SPIRE1: variants seen among roughly 807,000 people sequenced by gnomAD.
SPIRE1 encodes the protein spire type actin nucleation factor 1.
A neutral mutation model predicts 94.1 loss-of-function variants in SPIRE1; 40 were observed. That is an observed-to-expected ratio of 0.43 (90% confidence interval 0.33 to 0.55). The LOEUF (loss-of-function observed/expected upper bound fraction) is 0.55, where lower values mean the gene tolerates loss of function less well. SPIRE1 is among the 20% of genes least tolerant of loss of function. SPIRE1 has a pLI of 0.06. For missense variants in SPIRE1, 838 were observed against 975.2 expected (o/e 0.86, Z 1.87); for synonymous variants, 376 against 371.7 (o/e 1.01, Z -0.13).
chr18:12,459,870 AT>A (rs1282862801), intron 12 of SPIRE1: 3 of 985,820 alleles, frequency 3.0e-6, no homozygotes, highest in Non-Finnish European at 3.6e-6. Context: ...AGCTGTTTGT[AT>A]GGTAGAAAAA....
chr18:12,519,827 T>C (rs1398288033), intron 4 of SPIRE1, among the ~76,000 whole-genome samples: 4 of 152,182 alleles, frequency 2.6e-5, no homozygotes, highest in African/African-American at 7.2e-5. Context: ...GCCTCACACA[T>C]TGCTAAGGAC....
intron 1 of SPIRE1, among the ~76,000 whole-genome samples, chr18:12,641,203 A>G (rs142140220): frequency 6.6e-5 from 10 of 152,304 alleles, no homozygotes; most frequent in African/African-American, 2.4e-4. Flanking sequence ...AACAACAACC[A>G]TTAGTTTAAG....
At chr18:12,604,093 A>C (rs892603496) in intron 2 of SPIRE1, among the ~76,000 whole-genome samples, 1 of 152,152 alleles carries the variant, frequency 6.6e-6, no homozygotes, top group Non-Finnish European at 1.5e-5. Flanking sequence ...AGTATTCTTT[A>C]TAATAAACCA....
intron 2 of SPIRE1, among the ~76,000 whole-genome samples, chr18:12,577,525 A>C (rs2036140432): frequency 6.6e-6 from 1 of 152,204 alleles, no homozygotes; most frequent in Non-Finnish European, 1.5e-5. Flanking sequence ...AAAAAAGGAG[A>C]AAATCTGCAT....
chr18:12,635,841 T>C (rs1237515152), intron 1 of SPIRE1, among the ~76,000 whole-genome samples: 2 of 152,114 alleles, frequency 1.3e-5, no homozygotes, highest in Admixed American at 1.3e-4. Flanking sequence ...AATAACACAA[T>C]TATACAATTA....
chr18:12,491,589 T>C (rs1249978739), intron 8 of SPIRE1, among the ~76,000 whole-genome samples: 1 of 152,090 alleles, frequency 6.6e-6, no homozygotes, highest in Admixed American at 6.6e-5. Flanking sequence ...CTTGATCTCC[T>C]GGGCTCAAGT....
intron 2 of SPIRE1, among the ~76,000 whole-genome samples, chr18:12,607,596 TACACAC>T (rs34187168): frequency 0.14 from 20,838 of 145,970 alleles, 1,609 homozygotes; most frequent in African/African-American, 0.17. Context: ...TCCACAGCAC[TACACAC>T]ACACACACAC....
chr18:12,555,066 C>T (rs959431277), intron 2 of SPIRE1, among the ~76,000 whole-genome samples: 70 of 152,150 alleles, frequency 4.6e-4, no homozygotes, highest in African/African-American at 1.4e-3. Context: ...CCCTCCCTAA[C>T]GCTTGTTTTC....
chr18:12,579,712 T>C (rs1457460255), intron 2 of SPIRE1, among the ~76,000 whole-genome samples: 1 of 152,210 alleles, frequency 6.6e-6, no homozygotes, highest in Non-Finnish European at 1.5e-5. Flanking sequence ...AAAGGTATGA[T>C]TCCCCTTACT....
At position 12,486,020 on chromosome 18, in the gene SPIRE1, C is replaced by A; in HGVS notation, c.1190-20G>T. On this transcript the variant is annotated intron_variant, in intron 8 of 16. Transcript: ENST00000409402. The stretch of plus-strand genomic sequence containing the variant: ...GCATTGCTGAAAAAAAGAAAACAAA[C>A]AATAAAAAGAAAATAATTCAGCTGT... The A allele has an allele frequency of 1.3e-6, 2 of 1,510,540 alleles. No individual in the cohort carries two copies. Among genetic ancestry groups the A allele is most frequent in the Non-Finnish European group, 1.8e-6 (2 of 1,130,490 alleles). The allele number at this position is 1,510,540 out of a possible 1,614,324, so 93.6% of individuals were successfully genotyped here. A position where few individuals can be genotyped will look rare whatever the true frequency, so the allele number is the denominator to read the frequency against.
At chr18:12,499,197 G>T (rs2033569358) in intron 6 of SPIRE1, among the ~76,000 whole-genome samples, 1 of 152,182 alleles carries the variant, frequency 6.6e-6, no homozygotes, top group African/African-American at 2.4e-5. Flanking sequence ...TGTGAGGTTA[G>T]GGCCAAACAT....
intron 2 of SPIRE1, among the ~76,000 whole-genome samples, chr18:12,631,804 G>A (rs911760754): frequency 2.0e-5 from 3 of 152,182 alleles, no homozygotes; most frequent in African/African-American, 7.2e-5. Flanking sequence ...GGCAGAGGTT[G>A]TAGTGAGCCA....
At chr18:12,558,184 T>C (rs2144369643) in intron 2 of SPIRE1, among the ~76,000 whole-genome samples, 1 of 152,292 alleles carries the variant, frequency 6.6e-6, no homozygotes, top group South Asian at 2.1e-4. Flanking sequence ...TTCCTTCAAA[T>C]GTTTAGATGT....
At chr18:12,556,739 C>T (rs2035520617) in intron 2 of SPIRE1, among the ~76,000 whole-genome samples, 1 of 152,154 alleles carries the variant, frequency 6.6e-6, no homozygotes, top group African/African-American at 2.4e-5. Context: ...AGGAGTGAAG[C>T]TGCAGACCTT....
chr18:12,535,538 C>T lies in SPIRE1; in HGVS notation c.667G>A (p.Ala223Thr). 6.2e-7 allele frequency: 1 copy of T among 1,613,420 alleles called. No homozygotes were observed. Among genetic ancestry groups the T allele is most frequent in the Non-Finnish European group, 8.5e-7 (1 of 1,179,450 alleles). Residue 223 changes from alanine (A) to threonine (T), a missense_variant, in exon 4 of 17, where the codon GCA (alanine) becomes ACA (threonine). Physicochemically the swap from Ala to Thr is moderately conservative, Grantham distance 58. Around this residue, in one of 2 missense-constraint regions of SPIRE1, gnomAD observed 645 missense variants for 804.7 expected, o/e 0.80. Transcript: ENST00000409402. ...AGCTCCATTGTTTCTGCAAACAGTG[C>T]ACGACATACTGCCTGATAATGATTT... is the stretch of plus-strand genomic sequence containing the variant. ...APNHYQAVCRALFAETMELHT... is the reference protein window; with the variant it reads ...APNHYQAVCRTLFAETMELHT...
In SPIRE1 at chr18:12,563,424, C is replaced by G. The variant is rs533615923; in HGVS notation, c.373-16520G>C. On this transcript the variant is annotated intron_variant, in intron 2 of 16. Coordinates refer to ENST00000409402, the MANE Select transcript of SPIRE1 (RefSeq NM_001128626.2). ...TCAGCCTAGAACTCTTGGCATCAAACAATCCTCCTGCTTCCACCTCCCAAG... is the reference window on the plus strand; with the variant it reads ...TCAGCCTAGAACTCTTGGCATCAAAGAATCCTCCTGCTTCCACCTCCCAAG... Among the ~76,000 whole-genome samples the G allele has an allele frequency of 3.3e-5, 5 of 152,122 alleles. No individual in the cohort carries two copies. In the South Asian group the frequency reaches 1.0e-3, roughly 32 times the overall value.
At chr18:12,518,529 A>G (rs956229069) in intron 4 of SPIRE1, among the ~76,000 whole-genome samples, 13 of 151,856 alleles carry the variant, frequency 8.6e-5, no homozygotes, top group African/African-American at 2.9e-4. Flanking sequence ...AAAAAGCAAC[A>G]AATTACTGCC....
At chr18:12,584,082 A>T (rs763752060) in intron 2 of SPIRE1, among the ~76,000 whole-genome samples, 1 of 152,208 alleles carries the variant, frequency 6.6e-6, no homozygotes, top group Non-Finnish European at 1.5e-5. Flanking sequence ...GTTAATATAA[A>T]AGGACAGAAA....
At chr18:12,473,803 T>G (rs952849038) in intron 10 of SPIRE1, among the ~76,000 whole-genome samples, 1 of 152,204 alleles carries the variant, frequency 6.6e-6, no homozygotes, top group Non-Finnish European at 1.5e-5. Context: ...GTGTGATAAT[T>G]TGGACCCACA....
Sources: gnomAD v4.1 joint callset for allele counts (sites outside exome capture counted in the v4.1 genomes callset) on GRCh38, gnomAD v4.1.1 for gene constraint, gnomAD v4.1.1 regional missense constraint, MANE v1.5 for transcripts, NCBI Gene and HGNC (gene_info 2026-07-23, HGNC 2026-07-21) for gene names.